ROBO2: variants seen among roughly 807,000 people sequenced by gnomAD.
The protein encoded by ROBO2 is roundabout homolog 2.
Under a neutral mutation model 160.8 loss-of-function variants are expected in ROBO2, and 53 were observed. The ratio of observed to expected loss-of-function variants is 0.33; its 90% CI spans 0.26 to 0.41. The LOEUF (loss-of-function observed/expected upper bound fraction) is 0.41, where lower values mean the gene tolerates loss of function less well. Ranked by LOEUF, ROBO2 falls within the 10% of genes least tolerant of loss-of-function variation. The probability of loss-of-function intolerance (pLI) is 1.00; values close to 1 mark genes in which losing one functional copy is unlikely to be tolerated. For synonymous variants in ROBO2, 664 were observed against 611.7 expected, an observed-to-expected ratio of 1.09 and a Z score of -1.26; for missense variants, 1,577 against 1,722.4, an observed-to-expected ratio of 0.92 and a Z score of 1.49.
chr3:76,494,179 A>C (rs2080006550), intron 2 of ROBO2, among the ~76,000 whole-genome samples: 1 of 152,194 alleles, frequency 6.6e-6, no homozygotes, highest in Non-Finnish European at 1.5e-5. Context: ...TGTGGTATAT[A>C]CATACAATGA....
chr3:76,673,125 C>T (rs2092312907), intron 2 of ROBO2, among the ~76,000 whole-genome samples: 2 of 149,482 alleles, frequency 1.3e-5, no homozygotes, highest in African/African-American at 2.6e-5. Flanking sequence ...TTCTCAAGGC[C>T]ATTTACTAAA....
intron 2 of ROBO2, among the ~76,000 whole-genome samples, chr3:76,072,782 C>T (rs911753539): frequency 6.6e-6 from 1 of 152,100 alleles, no homozygotes; most frequent in Admixed American, 6.5e-5. Context: ...GGGCCAATGG[C>T]CTCAAGCGAT....
In ROBO2 at chr3:77,602,544, A is replaced by G. The variant is rs3732916; in HGVS notation, c.3136+53A>G. On this transcript the variant is annotated intron_variant, in intron 20 of 25. Coordinates refer to ENST00000461745, the Ensembl canonical transcript of ROBO2. ...GGTATTTTCATATCATTTGTGCATG[A>G]GATAGAAATTAGTATTTGTTGTTTG... is the stretch of plus-strand genomic sequence containing the variant. 194,748 of 1,590,470 alleles carry G rather than the reference A, an allele frequency of 0.12. 12,798 individuals carry two copies. The highest frequency in any genetic ancestry group is 0.21 in the Admixed American group (12,678 of 59,972).
intron 2 of ROBO2, among the ~76,000 whole-genome samples, chr3:76,177,246 G>A (rs2073264424): frequency 1.3e-5 from 2 of 152,020 alleles, no homozygotes; most frequent in East Asian, 3.9e-4. Flanking sequence ...GGAAGGAGAT[G>A]GTATCTTAAA....
intron 1 of ROBO2, among the ~76,000 whole-genome samples, chr3:75,926,835 T>G (rs1947312414): frequency 6.6e-6 from 1 of 152,224 alleles, no homozygotes; most frequent in Non-Finnish European, 1.5e-5. Flanking sequence ...TATAGTAGAT[T>G]TTTAAGTGAA....
chr3:76,047,962 TTTG>T (rs1318756352), intron 2 of ROBO2, among the ~76,000 whole-genome samples: 5 of 152,192 alleles, frequency 3.3e-5, no homozygotes, highest in African/African-American at 1.2e-4. Context: ...ATTATACCTG[TTTG>T]TTATTAGAGT....
At chr3:76,373,227 AG>A (rs1328543873) in intron 2 of ROBO2, among the ~76,000 whole-genome samples, 1 of 151,962 alleles carries the variant, frequency 6.6e-6, no homozygotes, top group African/African-American at 2.4e-5. Context: ...TTTGAATAAA[AG>A]TTGGCTTTTT....
At chr3:76,684,749 A>C (rs1471089976) in intron 2 of ROBO2, among the ~76,000 whole-genome samples, 1 of 151,890 alleles carries the variant, frequency 6.6e-6, no homozygotes, top group Non-Finnish European at 1.5e-5. Flanking sequence ...CCACACTGGC[A>C]AAACTGATGG....
At chr3:76,344,073 T>A (rs2074384855) in intron 2 of ROBO2, among the ~76,000 whole-genome samples, 2 of 152,114 alleles carry the variant, frequency 1.3e-5, no homozygotes, top group African/African-American at 4.8e-5. Context: ...TTCTATTAAG[T>A]TTAAGCTATT....
At chr3:76,242,801 C>T (rs1327272653) in intron 2 of ROBO2, among the ~76,000 whole-genome samples, 1 of 152,062 alleles carries the variant, frequency 6.6e-6, no homozygotes, top group Non-Finnish European at 1.5e-5. Flanking sequence ...GGGAAGGTCG[C>T]CTGAGCCCGG....
chr3:77,253,157 G>C (rs1345738510), intron 2 of ROBO2, among the ~76,000 whole-genome samples: 3 of 151,980 alleles, frequency 2.0e-5, no homozygotes, highest in Non-Finnish European at 2.9e-5. Flanking sequence ...ATCTGATTCT[G>C]TAAAAAGTGG....
rs1408320421 is a variant in ROBO2 at position 76,066,839 on chromosome 3, A to T, written c.109+129237A>T. On this transcript the variant is annotated intron_variant, in intron 2 of 26. Coordinates refer to the ROBO2 transcript ENST00000487694. Reference sequence around the variant, plus strand: ...TAATATTTTATATAAATATTAAAAGATAATTAAACTGATAGATATAATCAA... The same window carrying T: ...TAATATTTTATATAAATATTAAAAGTTAATTAAACTGATAGATATAATCAA... Among the ~76,000 whole-genome samples, 13 of 152,172 alleles carry T rather than the reference A, an allele frequency of 8.5e-5. No homozygotes were observed. In the East Asian group the frequency reaches 2.5e-3, roughly 29 times the overall value.
intron 2 of ROBO2, among the ~76,000 whole-genome samples, chr3:76,698,555 T>G (rs2092981556): frequency 6.6e-6 from 1 of 152,166 alleles, no homozygotes; most frequent in Non-Finnish European, 1.5e-5. Context: ...GTGGGTGGAC[T>G]CCAGCACACT....
Position 76,567,823 on chromosome 3 carries a change from T to TG in ROBO2, c.110-530183dup, listed in dbSNP as rs1316410266. Among the ~76,000 whole-genome samples, 88 of 119,502 alleles carry TG rather than the reference T, an allele frequency of 7.4e-4. 1 individual carries two copies. Among genetic ancestry groups the TG allele is most frequent in the African/African-American group, 2.5e-3 (79 of 31,598 alleles). 78.4% of individuals were successfully genotyped at this position (119,502 alleles called of 152,430 possible). A position where few individuals can be genotyped will look rare whatever the true frequency, so the allele number is the denominator to read the frequency against. On this transcript the variant is annotated intron_variant, in intron 2 of 26. Transcript: ENST00000487694. ...TATATATATATTTTTTTTTTTTTTT[T>TG]GGGGGGGGTTGGACAGAGTCTTGCT...
At chr3:77,378,403 A>G (rs542937783) in intron 2 of ROBO2, among the ~76,000 whole-genome samples, 2 of 152,342 alleles carry the variant, frequency 1.3e-5, no homozygotes, top group South Asian at 2.1e-4. Context: ...GACTTGCTCA[A>G]GAAAACAGCA....
At chr3:76,907,843 TG>T (rs2075713970) in intron 2 of ROBO2, among the ~76,000 whole-genome samples, 1 of 151,590 alleles carries the variant, frequency 6.6e-6, no homozygotes, top group Non-Finnish European at 1.5e-5. Flanking sequence ...TGTGTGTGTG[TG>T]TGTGTGTGTG....
intron 2 of ROBO2, among the ~76,000 whole-genome samples, chr3:76,456,561 A>G (rs2077766952): frequency 6.6e-6 from 1 of 152,206 alleles, no homozygotes; most frequent in Non-Finnish European, 1.5e-5. Context: ...CGGTGGTCAG[A>G]TTCCATAGTT....
At chr3:76,988,516 A>G (rs1246681610) in intron 2 of ROBO2, among the ~76,000 whole-genome samples, 1 of 152,152 alleles carries the variant, frequency 6.6e-6, no homozygotes, top group African/African-American at 2.4e-5. Flanking sequence ...AGAAATGTAG[A>G]AGACAGTACT....
intron 2 of ROBO2, among the ~76,000 whole-genome samples, chr3:76,632,879 G>A (rs985505908): frequency 6.6e-6 from 1 of 152,122 alleles, no homozygotes; most frequent in Non-Finnish European, 1.5e-5. Flanking sequence ...TTGCTGTCAC[G>A]ATAACAATAC....
Sources: allele counts gnomAD v4.1 joint callset (sites outside exome capture counted in the v4.1 genomes callset), GRCh38; gene constraint gnomAD v4.1.1; transcripts MANE v1.5; gene names NCBI Gene and HGNC (gene_info 2026-07-23, HGNC 2026-07-21).